ULK4: variants seen among roughly 807,000 people sequenced by gnomAD.
The protein encoded by ULK4 is unc-51 like kinase 4, also known as inactive serine/threonine-protein kinase ULK4.
ULK4 carries 133 observed loss-of-function variants against 160.6 expected under a neutral mutation model. The observed-to-expected ratio is 0.83, with a 90% CI of 0.72 to 0.96. The LOEUF (loss-of-function observed/expected upper bound fraction) is 0.96, where lower values mean the gene tolerates loss of function less well. Among genes scored for constraint, ULK4 ranks in the 40% least tolerant of loss-of-function variants. The pLI is 0.00. For missense variants in ULK4, 1,580 were observed against 1,499.5 expected (o/e 1.05, Z -0.89); for synonymous variants, 534 against 539.8 (o/e 0.99, Z 0.15).
intron 35 of ULK4, among the ~76,000 whole-genome samples, chr3:41,378,441 A>G (rs1290884931): frequency 2.0e-5 from 3 of 152,016 alleles, no homozygotes; most frequent in African/African-American, 7.2e-5. Context: ...ACCATGGAAT[A>G]CTATGCAGCC....
At position 41,848,973 on chromosome 3, in the gene ULK4, T is replaced by C. The variant is rs142387738; in HGVS notation, c.1657-13002A>G. On this transcript the variant is annotated intron_variant, in intron 17 of 36. Transcript: ENST00000301831. ...CTGGCCAATTAACTGAAAGTGGAAA[T>C]GATGTATGTATTCCTATGTGCAATT... 5.6e-3 allele frequency among the ~76,000 whole-genome samples: 856 copies of C among 152,192 alleles called. 12 individuals carry two copies. Among genetic ancestry groups the C allele is most frequent in the African/African-American group, 0.019 (797 of 41,496 alleles).
chr3:41,883,982 A>C, intron 16 of ULK4, 30 bp from the exon 17 acceptor site: 1 of 1,531,950 alleles, frequency 6.5e-7, no homozygotes, highest in South Asian at 1.1e-5. Flanking sequence ...AGGCTCTGAA[A>C]AGAAGAGTCG....
intron 30 of ULK4, among the ~76,000 whole-genome samples, chr3:41,641,002 T>C (rs753228748): frequency 2.3e-4 from 35 of 152,308 alleles, no homozygotes; most frequent in African/African-American, 7.9e-4. Context: ...TCAATACAGT[T>C]CAAAGCAAAT....
intron 21 of ULK4, among the ~76,000 whole-genome samples, chr3:41,785,273 A>T (rs932230296): frequency 1.3e-5 from 2 of 152,232 alleles, no homozygotes; most frequent in African/African-American, 4.8e-5. Context: ...ATCCCTGAGG[A>T]ACATTTAATG....
intron 8 of ULK4, 104 bp from the exon 9 acceptor site, chr3:41,913,003 T>A: frequency 1.1e-6 from 1 of 897,190 alleles, no homozygotes. Context: ...AAGGTACACA[T>A]GTACCTTTGA....
In ULK4 at chr3:41,360,137, C is replaced by T. The variant is rs117239994; in HGVS notation, c.3678+37942G>A. Among the ~76,000 whole-genome samples the T allele has an allele frequency of 2.4e-3, 361 of 152,082 alleles. 1 individual carries two copies. Among genetic ancestry groups the T allele is most frequent in the East Asian group, 0.015 (77 of 5,158 alleles). On this transcript the variant is annotated intron_variant, in intron 35 of 36. Transcript: ENST00000301831. ...TGAACAGACACTTCTCAAAAGAAGG[C>T]ATATATACAGCCAACAAACATGAAA...
intron 32 of ULK4, among the ~76,000 whole-genome samples, chr3:41,554,972 G>A (rs895681521): frequency 2.6e-5 from 4 of 152,028 alleles, no homozygotes; most frequent in Non-Finnish European, 4.4e-5. Context: ...AAAGAAAAAT[G>A]ATCAAAGCAT....
At chr3:41,538,034 G>T (rs977825275) in intron 32 of ULK4, among the ~76,000 whole-genome samples, 3 of 151,666 alleles carry the variant, frequency 2.0e-5, no homozygotes, top group Non-Finnish European at 4.4e-5. Flanking sequence ...CTCATCTGCC[G>T]CCTCTTGGTC....
At chr3:41,679,801 A>C (rs2035861830) in intron 29 of ULK4, among the ~76,000 whole-genome samples, 2 of 152,362 alleles carry the variant, frequency 1.3e-5, no homozygotes, top group South Asian at 4.1e-4. Context: ...TACTGTGTGG[A>C]GGAGACATCT....
chr3:41,674,186 A>T (rs2035628401), intron 29 of ULK4, among the ~76,000 whole-genome samples: 1 of 152,208 alleles, frequency 6.6e-6, no homozygotes, highest in Admixed American at 6.5e-5. Context: ...TCCTGAGTGA[A>T]AAATCTAGTC....
At chr3:41,369,026 T>C (rs2081308762) in intron 35 of ULK4, among the ~76,000 whole-genome samples, 1 of 152,208 alleles carries the variant, frequency 6.6e-6, no homozygotes, top group Non-Finnish European at 1.5e-5. Context: ...AATACCTAGG[T>C]AGAATAAATT....
intron 30 of ULK4, among the ~76,000 whole-genome samples, chr3:41,633,720 T>C (rs1002260540): frequency 2.0e-5 from 3 of 151,920 alleles, no homozygotes; most frequent in African/African-American, 7.3e-5. Context: ...GAAAAAGCAA[T>C]GATGAGGGGT....
chr3:41,521,640 T>C (rs1470143632), intron 32 of ULK4, among the ~76,000 whole-genome samples: 1 of 152,242 alleles, frequency 6.6e-6, no homozygotes, highest in African/African-American at 2.4e-5. Flanking sequence ...TGGATTTCTC[T>C]TCAATCATTC....
chr3:41,906,286 A>C (rs1421041148), intron 12 of ULK4, among the ~76,000 whole-genome samples: 1 of 148,710 alleles, frequency 6.7e-6, no homozygotes, highest in Admixed American at 6.8e-5. Flanking sequence ...GCACTCTGGG[A>C]GGCTGAGACA....
chr3:41,486,554 T>C (rs999914652), intron 32 of ULK4, among the ~76,000 whole-genome samples: 1 of 152,196 alleles, frequency 6.6e-6, no homozygotes, highest in Non-Finnish European at 1.5e-5. Flanking sequence ...CTGGATGTTG[T>C]TGGCATGGGG....
intron 27 of ULK4, among the ~76,000 whole-genome samples, chr3:41,682,838 A>G (rs912667637): frequency 6.6e-6 from 1 of 152,230 alleles, no homozygotes; most frequent in African/African-American, 2.4e-5. Flanking sequence ...GGAAAGAAAT[A>G]TATACTGCTA....
chr3:41,857,359 G>A (rs1322661076), intron 17 of ULK4, among the ~76,000 whole-genome samples: 2 of 152,090 alleles, frequency 1.3e-5, no homozygotes, highest in Non-Finnish European at 2.9e-5. Flanking sequence ...TTTTGTTGAG[G>A]ATTTCTGCAT....
At chr3:41,605,488 G>A (rs1251220723) in intron 31 of ULK4, among the ~76,000 whole-genome samples, 1 of 151,852 alleles carries the variant, frequency 6.6e-6, no homozygotes, top group Non-Finnish European at 1.5e-5. Context: ...TCAGGACAAG[G>A]AGTACTACCC....
At chr3:41,567,052 T>C (rs554958686) in intron 31 of ULK4, among the ~76,000 whole-genome samples, 2 of 152,294 alleles carry the variant, frequency 1.3e-5, no homozygotes, top group East Asian at 3.9e-4. Flanking sequence ...ACTATTCTGC[T>C]AATAACTAGT....
Sources: gnomAD v4.1 joint callset for allele counts (sites outside exome capture counted in the v4.1 genomes callset) on GRCh38, gnomAD v4.1.1 for gene constraint, MANE v1.5 for transcripts, NCBI Gene and HGNC (gene_info 2026-07-23, HGNC 2026-07-21) for gene names.